The following CHD6 variants were observed in gnomAD, a reference collection of about 807,000 sequenced individuals.
CHD6 encodes the protein chromodomain helicase DNA binding protein 6, also known as ATP-dependent chromatin remodeler CHD6.
A neutral mutation model predicts 276.9 loss-of-function variants in CHD6; 50 were observed. The observed-to-expected ratio is 0.18, with a 90% confidence interval of 0.14 to 0.23. The LOEUF is 0.23. CHD6 is among the 10% of genes least tolerant of loss of function. The probability of loss-of-function intolerance (pLI) is 1.00; values close to 1 mark genes in which losing one functional copy is unlikely to be tolerated. For missense variants in CHD6, 2,564 were observed against 3,365.8 expected (o/e 0.76, Z 5.89); for synonymous variants, 1,173 against 1,229.3 (o/e 0.95, Z 0.96).
chr20:41,481,782 G>A (rs1202218886), intron 16 of CHD6, among the ~76,000 whole-genome samples: 1 of 151,640 alleles, frequency 6.6e-6, no homozygotes, highest in Non-Finnish European at 1.5e-5. Flanking sequence ...GTTTAAAATA[G>A]AGTATCACAT....
chr20:41,557,211 C>T (rs1267249255), intron 1 of CHD6, among the ~76,000 whole-genome samples: 7 of 152,172 alleles, frequency 4.6e-5, no homozygotes, highest in Admixed American at 6.5e-5. Context: ...GTGGGACTCC[C>T]GCTCTCCTTG....
chr20:41,458,018 T>C lies in CHD6; in HGVS notation c.2665-590A>G, dbSNP rs146580070. Among the ~76,000 whole-genome samples, 415 of 152,354 alleles carry C rather than the reference T, an allele frequency of 2.7e-3. 2 individuals carry two copies. Among genetic ancestry groups the C allele is most frequent in the Middle Eastern group, 0.024 (7 of 294 alleles). ...TGTAAAATATATATTATTATCATTG[T>C]CACACTTAAAAACAACTGCATTTCT... On this transcript the variant is annotated intron_variant, in intron 17 of 36. Transcript: ENST00000373233.
At chr20:41,419,666 G>A (rs1051692414) in intron 31 of CHD6, among the ~76,000 whole-genome samples, 6 of 149,602 alleles carry the variant, frequency 4.0e-5, no homozygotes, top group African/African-American at 9.8e-5. Flanking sequence ...TCCAGAAAGG[G>A]ACAATGTGTC....
intron 2 of CHD6, among the ~76,000 whole-genome samples, chr20:41,546,391 A>G (rs2045043958): frequency 1.3e-5 from 2 of 152,226 alleles, no homozygotes; most frequent in South Asian, 4.1e-4. Flanking sequence ...CATCCTACTT[A>G]TAATATTATG....
intron 2 of CHD6, among the ~76,000 whole-genome samples, chr20:41,551,068 G>A (rs1005873589): frequency 6.6e-6 from 1 of 152,164 alleles, no homozygotes; most frequent in African/African-American, 2.4e-5. Flanking sequence ...TGGCTAATTT[G>A]AATAATATTC....
intron 25 of CHD6, 89 bp downstream of exon 25, chr20:41,445,575 AG>A: frequency 1.3e-6 from 1 of 746,932 alleles, no homozygotes. Flanking sequence ...AGAGTTTTGC[AG>A]GAACATGCCG....
chr20:41,576,639 A>C lies in CHD6; in HGVS notation c.-23-25279T>G, dbSNP rs2045477410. On this transcript the variant is annotated intron_variant, in intron 1 of 36. Coordinates refer to ENST00000373233, the MANE Select transcript of CHD6 (RefSeq NM_032221.5). ...CAGTGAGCTGAGATCGCACCACTGC[A>C]CTCCAGCCTGGGCGACAGAGCAAGA... 2.6e-5 allele frequency among the ~76,000 whole-genome samples: 4 copies of C among 152,160 alleles called. No homozygotes were observed. In the South Asian group the frequency reaches 8.3e-4, roughly 32 times the overall value.
In CHD6 at chr20:41,551,191, A is replaced by C. The variant is rs542314453; in HGVS notation, c.33+114T>G. ...AGCTCTCAGTTACTATAATACAGGC[A>C]ACAGGGAAAGTACCAGAGATTAAGG... On this transcript the variant is annotated intron_variant, in intron 2 of 36. Coordinates refer to ENST00000373233, the MANE Select transcript of CHD6 (RefSeq NM_032221.5). 4.3e-5 allele frequency: 31 copies of C among 724,064 alleles called. No individual in the cohort carries two copies. In the South Asian group the frequency reaches 4.5e-4, roughly 11 times the overall value. 44.9% of individuals were successfully genotyped at this position (724,064 alleles called of 1,614,324 possible). A position where few individuals can be genotyped will look rare whatever the true frequency, so the allele number is the denominator to read the frequency against.
intron 2 of CHD6, among the ~76,000 whole-genome samples, chr20:41,534,156 G>A (rs562501064): frequency 3.9e-5 from 6 of 152,346 alleles, no homozygotes; most frequent in Non-Finnish European, 7.4e-5. Flanking sequence ...TAAGGTTGGT[G>A]ATAGTCGGTA....
At position 41,420,720 on chromosome 20, in the gene CHD6, G is replaced by C; in HGVS notation, c.5915C>G (p.Thr1972Ser). Residue 1972 changes from threonine (T) to serine (S), a missense_variant, in exon 31 of 37, where the codon ACC becomes AGC. This residue lies in a region of CHD6 where 1,024 missense variants were observed against 1,047.9 expected (regional missense o/e 0.98). Transcript: ENST00000373233. ...AYIPDLFKSK[T>S]NTIAMEGEPT... is the part of the protein sequence containing the mutation. ...TTCACCCTCCATGGCGATAGTATTG[G>C]TTTTACTTTTGAACAGATCTGGGAT... is the stretch of plus-strand genomic sequence containing the variant. The C allele has an allele frequency of 6.2e-7, 1 of 1,614,216 alleles. No homozygotes were observed. The highest frequency in any genetic ancestry group is 8.5e-7 in the Non-Finnish European group (1 of 1,180,030).
intron 5 of CHD6, among the ~76,000 whole-genome samples, chr20:41,503,258 G>A (rs896654875): frequency 5.9e-5 from 9 of 152,032 alleles, no homozygotes; most frequent in Non-Finnish European, 1.3e-4. Context: ...TATCCATATT[G>A]CATATTATCT....
intron 3 of CHD6, among the ~76,000 whole-genome samples, chr20:41,522,313 A>G (rs577363795): frequency 9.9e-5 from 15 of 152,110 alleles, no homozygotes; most frequent in Non-Finnish European, 2.1e-4. Flanking sequence ...GCCACTGCAC[A>G]CCAGCCTGGG....
At position 41,488,439 on chromosome 20, in the gene CHD6, G is replaced by C. The variant is rs751010678; in HGVS notation, c.1846C>G (p.Leu616Val). The C allele has an allele frequency of 1.9e-6, 3 of 1,613,356 alleles. No homozygotes were observed. Among genetic ancestry groups the C allele is most frequent in the African/African-American group, 1.3e-5 (1 of 74,980 alleles). ...ATGCTAACTCTCACCAGGGCCATAA[G>C]CTTTAGACCCTCCAGAAGTTTGCAG... is the stretch of plus-strand genomic sequence containing the variant. Reference protein sequence around the residue: ...RNCKLLEGLKLMALEHKVLLT... With the variant: ...RNCKLLEGLKVMALEHKVLLT... Residue 616 changes from leucine (L) to valine (V), a missense_variant, in exon 13 of 37, where the codon CTT becomes GTT. By Grantham distance (32) the Leu-to-Val change is conservative (BLOSUM62 1). Coordinates refer to ENST00000373233, the MANE Select transcript of CHD6 (RefSeq NM_032221.5).
chr20:41,601,259 A>G (rs1304990554), intron 1 of CHD6, among the ~76,000 whole-genome samples: 2 of 152,302 alleles, frequency 1.3e-5, no homozygotes, highest in African/African-American at 2.4e-5. Flanking sequence ...CACATTTGCC[A>G]TTCTAGCACG....
chr20:41,437,375 C>A lies in CHD6; in HGVS notation c.4008-41G>T, dbSNP rs748009882. The A allele has an allele frequency of 2.2e-5, 32 of 1,424,384 alleles. No individual in the cohort carries two copies. In the South Asian group the frequency reaches 3.4e-4, roughly 15 times the overall value. 88.2% of individuals were successfully genotyped at this position (1,424,384 alleles called of 1,614,324 possible). On this transcript the variant is annotated intron_variant, in intron 26 of 36. Coordinates refer to ENST00000373233, the MANE Select transcript of CHD6 (RefSeq NM_032221.5). ...AAAAGGCATCACATACTACCTAGGT[C>A]CCCCTTATCCACAGTTTCAGTTACC...
chr20:41,484,706 T>C (rs1347357177), intron 14 of CHD6, 99 bp from the exon 15 acceptor site: 19 of 1,267,344 alleles, frequency 1.5e-5, no homozygotes, highest in South Asian at 9.4e-5. Flanking sequence ...CATTTACCCA[T>C]AGTACTGTGG....
intron 1 of CHD6, among the ~76,000 whole-genome samples, chr20:41,586,084 T>C (rs988788363): frequency 1.3e-5 from 2 of 152,182 alleles, no homozygotes; most frequent in South Asian, 4.1e-4. Flanking sequence ...GGAGGGACAA[T>C]GACTGGGATA....
At chr20:41,582,943 C>T (rs548468957) in intron 1 of CHD6, among the ~76,000 whole-genome samples, 19 of 151,916 alleles carry the variant, frequency 1.3e-4, no homozygotes, top group African/African-American at 3.6e-4. Flanking sequence ...GCAACAAAAA[C>T]GGGGAAAAAG....
chr20:41,568,099 T>C (rs1382532923), intron 1 of CHD6, among the ~76,000 whole-genome samples: 1 of 152,248 alleles, frequency 6.6e-6, no homozygotes, highest in African/African-American at 2.4e-5. Flanking sequence ...TTAAAATAGC[T>C]TGATAAAACT....
Sources: gnomAD v4.1 joint callset for allele counts (sites outside exome capture counted in the v4.1 genomes callset) on GRCh38, gnomAD v4.1.1 for gene constraint, gnomAD v4.1.1 regional missense constraint, MANE v1.5 for transcripts, NCBI Gene and HGNC (gene_info 2026-07-23, HGNC 2026-07-21) for gene names.